Variants in NALF1 observed in about 807,000 individuals in gnomAD.
The protein encoded by NALF1 is NALCN channel auxiliary factor 1.
A neutral mutation model predicts 48.4 loss-of-function variants in NALF1; 3 were observed. That is an observed-to-expected ratio of 0.06 (90% CI 0.03 to 0.16). The LOEUF is 0.16. Among genes scored for constraint, NALF1 ranks in the 10% least tolerant of loss-of-function variants. The pLI, the probability that NALF1 is intolerant of heterozygous loss-of-function variation, is 1.00. For missense variants in NALF1, 526 were observed against 571.5 expected (o/e 0.92, Z 0.81); for synonymous variants, 262 against 245.7 (o/e 1.07, Z -0.62).
intron 1 of NALF1, among the ~76,000 whole-genome samples, chr13:107,306,062 A>G (rs1178449381): frequency 6.6e-6 from 1 of 152,212 alleles, no homozygotes; most frequent in African/African-American, 2.4e-5. Context: ...AAGATCGGTG[A>G]TGTGTGAATA....
At chr13:107,443,706 G>C (rs992582621) in intron 1 of NALF1, among the ~76,000 whole-genome samples, 1 of 152,094 alleles carries the variant, frequency 6.6e-6, no homozygotes, top group Non-Finnish European at 1.5e-5. Context: ...TCCCAGTCTA[G>C]TTGTGATTAA....
chr13:107,661,510 G>A (rs1242126814), intron 1 of NALF1, among the ~76,000 whole-genome samples: 2 of 151,684 alleles, frequency 1.3e-5, no homozygotes, highest in African/African-American at 4.9e-5. Context: ...GCGGCCAACT[G>A]AACTAGTAGC....
intron 1 of NALF1, among the ~76,000 whole-genome samples, chr13:107,268,495 C>A (rs551496287): frequency 6.6e-6 from 1 of 152,234 alleles, no homozygotes; most frequent in South Asian, 2.1e-4. Flanking sequence ...TGGATTGTAT[C>A]ACTGTCAGTA....
chr13:107,716,149 C>T (rs1347381529), intron 1 of NALF1, among the ~76,000 whole-genome samples: 2 of 152,094 alleles, frequency 1.3e-5, no homozygotes, highest in Non-Finnish European at 2.9e-5. Context: ...TCCATCAAGG[C>T]CATTCAGATG....
At chr13:107,287,454 G>T (rs1881517388) in intron 1 of NALF1, among the ~76,000 whole-genome samples, 1 of 152,044 alleles carries the variant, frequency 6.6e-6, no homozygotes, top group Admixed American at 6.5e-5. Flanking sequence ...CAGGAGCCTG[G>T]GTGGTTTTAT....
At chr13:107,222,465 G>A (rs1880014577) in intron 1 of NALF1, among the ~76,000 whole-genome samples, 1 of 152,078 alleles carries the variant, frequency 6.6e-6, no homozygotes, top group Non-Finnish European at 1.5e-5. Context: ...CAGAGCACAA[G>A]TGATTGCAAA....
At chr13:107,521,923 TTACACACACACACACACA>T (rs1189509578) in intron 1 of NALF1, among the ~76,000 whole-genome samples, 2 of 149,628 alleles carry the variant, frequency 1.3e-5, no homozygotes, top group African/African-American at 4.9e-5. Context: ...CTTCTTCAAC[TTACACACACACACACACA>T]TACACACACA....
chr13:107,674,486 C>T lies in NALF1; in HGVS notation c.915+191196G>A, dbSNP rs73597392. The stretch of plus-strand genomic sequence containing the variant: ...TGCTGTCTCCTCTGAACCTTATGCC[C>T]TTCTTTTCAATTGACTTCTATTGGG... On this transcript the variant is annotated intron_variant, in intron 1 of 2. Transcript: ENST00000375915. 7.6e-3 allele frequency among the ~76,000 whole-genome samples: 1,155 copies of T among 152,230 alleles called. 14 individuals carry two copies. The highest frequency in any genetic ancestry group is 0.025 in the African/African-American group (1,049 of 41,528).
At chr13:107,836,891 G>A (rs185370152) in intron 1 of NALF1, among the ~76,000 whole-genome samples, 1 of 152,236 alleles carries the variant, frequency 6.6e-6, no homozygotes, top group African/African-American at 2.4e-5. Context: ...TTTACGTGAC[G>A]AACAATGGGA....
chr13:107,802,678 C>T (rs892462692), intron 1 of NALF1, among the ~76,000 whole-genome samples: 40 of 150,988 alleles, frequency 2.6e-4, no homozygotes, highest in African/African-American at 7.9e-4. Context: ...TTTTATATAT[C>T]AGTGTGTAAT....
chr13:107,807,761 T>C (rs1352903131), intron 1 of NALF1, among the ~76,000 whole-genome samples: 1 of 152,284 alleles, frequency 6.6e-6, no homozygotes. Flanking sequence ...AAGGGGACCA[T>C]AATGACTGCT....
At chr13:107,593,157 A>G (rs1384520151) in intron 1 of NALF1, among the ~76,000 whole-genome samples, 1 of 151,902 alleles carries the variant, frequency 6.6e-6, no homozygotes, top group African/African-American at 2.4e-5. Flanking sequence ...TAGATTTCAA[A>G]TAAACACTTT....
intron 1 of NALF1, among the ~76,000 whole-genome samples, chr13:107,478,378 T>C (rs961571702): frequency 6.6e-6 from 1 of 152,186 alleles, no homozygotes; most frequent in Admixed American, 6.5e-5. Flanking sequence ...ATCATGTAAT[T>C]TGGTTAGTTA....
intron 1 of NALF1, among the ~76,000 whole-genome samples, chr13:107,421,529 A>G (rs1884187047): frequency 6.6e-6 from 1 of 152,240 alleles, no homozygotes; most frequent in African/African-American, 2.4e-5. Context: ...ATAGAAAACC[A>G]GAAAGACAGA....
chr13:107,276,666 G>C (rs1049155010), intron 1 of NALF1, among the ~76,000 whole-genome samples: 1 of 152,042 alleles, frequency 6.6e-6, no homozygotes, highest in African/African-American at 2.4e-5. Context: ...TCTCATCTTT[G>C]TATAGAATAT....
chr13:107,660,516 T>G (rs1416356390), intron 1 of NALF1, among the ~76,000 whole-genome samples: 1 of 136,396 alleles, frequency 7.3e-6, no homozygotes, highest in East Asian at 2.3e-4. Context: ...ACAAAACAAA[T>G]AAACAAAAAA....
intron 1 of NALF1, among the ~76,000 whole-genome samples, chr13:107,632,899 CAAG>C (rs1364092410): frequency 8.1e-6 from 1 of 123,346 alleles, no homozygotes; most frequent in Non-Finnish European, 1.7e-5. Context: ...ATTTTTATAA[CAAG>C]CCTCATGAAA....
chr13:107,673,819 A>T (rs986645303), intron 1 of NALF1, among the ~76,000 whole-genome samples: 3 of 152,116 alleles, frequency 2.0e-5, no homozygotes, highest in African/African-American at 7.2e-5. Flanking sequence ...GTCAAAAATT[A>T]AAAAAATAAT....
At chr13:107,330,639 G>A (rs547384396) in intron 1 of NALF1, among the ~76,000 whole-genome samples, 21 of 152,310 alleles carry the variant, frequency 1.4e-4, no homozygotes, top group South Asian at 8.3e-4. Context: ...CTCTAGTCCT[G>A]TGCATTTTTG....
Sources: allele counts gnomAD v4.1 joint callset (sites outside exome capture counted in the v4.1 genomes callset), GRCh38; gene constraint gnomAD v4.1.1; transcripts MANE v1.5; gene names NCBI Gene and HGNC (gene_info 2026-07-23, HGNC 2026-07-21).